TRIM5: variants seen among roughly 807,000 people sequenced by gnomAD.
The protein encoded by TRIM5 is tripartite motif containing 5.
In TRIM5, 31 loss-of-function variants were observed where a neutral mutation model predicts 35.6. The observed-to-expected ratio is 0.87, with a 90% CI of 0.65 to 1.18. The LOEUF is 1.18. Among genes scored for constraint, TRIM5 ranks in the 50% most tolerant of loss-of-function variants. The pLI, the probability that TRIM5 is intolerant of heterozygous loss-of-function variation, is 0.00. For synonymous variants in TRIM5, 243 were observed against 215.6 expected (o/e 1.13, Z -1.11); for missense variants, 609 against 591.6 (o/e 1.03, Z -0.31).
chr11:5,609,543 A>G, the TRIM5 span, among the ~76,000 whole-genome samples: 9 of 152,134 alleles, frequency 5.9e-5, no homozygotes, highest in Non-Finnish European at 2.9e-5. Flanking sequence ...ATTTTACTGA[A>G]CTGCATAACA....
At chr11:5,627,615 C>A in the TRIM5 span, among the ~76,000 whole-genome samples, 1 of 152,168 alleles carries the variant, frequency 6.6e-6, no homozygotes, top group Non-Finnish European at 1.5e-5. Context: ...GACCAGAACA[C>A]TACAGCTCTT....
At chr11:5,603,762 CAG>C in the TRIM5 span, 1 of 1,607,858 alleles carries the variant, frequency 6.2e-7, no homozygotes, top group Admixed American at 1.7e-5. Context: ...GAATGGGAGA[CAG>C]AGAAACAGGG....
chr11:5,679,702 GA>G (rs1161114035), intron 2 of TRIM5, 58 bp downstream of exon 2: 114 of 1,506,088 alleles, frequency 7.6e-5, no homozygotes, highest in Non-Finnish European at 2.4e-5. Flanking sequence ...AAGGCAAAGT[GA>G]AAATTTTCCA....
At chr11:5,667,751 G>C in intron 4 of TRIM5, 40 bp from the exon 5 acceptor site, 1 of 1,607,508 alleles carries the variant, frequency 6.2e-7, no homozygotes, top group Non-Finnish European at 8.5e-7. Context: ...GAAAGAAAGA[G>C]TCTCTCCTCA....
the TRIM5 span, among the ~76,000 whole-genome samples, chr11:5,637,714 A>T: frequency 6.6e-6 from 1 of 152,120 alleles, no homozygotes; most frequent in Admixed American, 6.5e-5. Flanking sequence ...CCAAACTGAA[A>T]CTGTACCCAT....
the TRIM5 span, chr11:5,643,641 C>T: frequency 1.7e-5 from 28 of 1,613,954 alleles, 1 homozygote; most frequent in East Asian, 6.2e-4. Flanking sequence ...CTTTTCTCAG[C>T]CTGTTTATCC....
At chr11:5,657,397 C>T in the TRIM5 span, among the ~76,000 whole-genome samples, 4 of 149,420 alleles carry the variant, frequency 2.7e-5, no homozygotes, top group South Asian at 2.1e-4. Flanking sequence ...CACCATGGTA[C>T]GTGTATACCT....
chr11:5,610,549 C>T, the TRIM5 span: 9 of 1,613,464 alleles, frequency 5.6e-6, no homozygotes, highest in Non-Finnish European at 7.6e-6. Context: ...GACAGATGTC[C>T]AAAGCTACTG....
At chr11:5,613,162 C>CA in the TRIM5 span, among the ~76,000 whole-genome samples, 1 of 152,226 alleles carries the variant, frequency 6.6e-6, no homozygotes, top group Admixed American at 6.5e-5. Flanking sequence ...TGCACCTTCC[C>CA]AGCTGCCCTG....
chr11:5,634,512 CACACACACACACACACACAT>C, the TRIM5 span: 1 of 519,860 alleles, frequency 1.9e-6, no homozygotes, highest in Non-Finnish European at 3.0e-6. Context: ...CACACACACA[CACACACACACACACACACAT>C]ATATATATAT....
chr11:5,588,909 A>C, the TRIM5 span: 1 of 151,352 alleles, frequency 6.6e-6, no homozygotes. Context: ...TCAGCCTCCT[A>C]TGTAGCTGGG....
At chr11:5,649,335 G>A in the TRIM5 span, among the ~76,000 whole-genome samples, 1 of 152,156 alleles carries the variant, frequency 6.6e-6, no homozygotes, top group Admixed American at 6.6e-5. Flanking sequence ...TCTACCTGAT[G>A]GAGTGACCCA....
the TRIM5 span, chr11:5,608,513 A>G: frequency 1.4e-6 from 2 of 1,467,740 alleles, no homozygotes; most frequent in South Asian, 1.3e-5. Context: ...GTAGTCTTGA[A>G]TCGCGCATCA....
At chr11:5,672,084 T>C (rs1401212118) in intron 4 of TRIM5, among the ~76,000 whole-genome samples, 1 of 152,192 alleles carries the variant, frequency 6.6e-6, no homozygotes. Context: ...TTGAAAGCAC[T>C]AAAAGAAACT....
chr11:5,617,646 G>A, the TRIM5 span, among the ~76,000 whole-genome samples: 5 of 142,486 alleles, frequency 3.5e-5, 2 homozygotes, highest in African/African-American at 5.1e-5. Context: ...CAACCACCAC[G>A]CCTGTCTAAT....
the TRIM5 span, chr11:5,603,479 G>A: frequency 6.2e-7 from 1 of 1,614,110 alleles, no homozygotes; most frequent in South Asian, 1.1e-5. Flanking sequence ...GAAAGAAGCT[G>A]CCCTGTGTGC....
the TRIM5 span, among the ~76,000 whole-genome samples, chr11:5,638,799 TCA>T: frequency 1.3e-5 from 2 of 152,344 alleles, no homozygotes; most frequent in South Asian, 2.1e-4. Flanking sequence ...CTGCTTTTTT[TCA>T]CAGTCCAATG....
the TRIM5 span, among the ~76,000 whole-genome samples, chr11:5,592,468 T>G: frequency 6.6e-6 from 1 of 152,170 alleles, no homozygotes; most frequent in African/African-American, 2.4e-5. Context: ...TGAGCTAGGA[T>G]CTGAATCTTG....
the TRIM5 span, among the ~76,000 whole-genome samples, chr11:5,657,477 T>C: frequency 1.5e-5 from 2 of 136,186 alleles, no homozygotes; most frequent in South Asian, 4.7e-4. Flanking sequence ...AAAATATTTA[T>C]ATATAATGCA....
Sources: gnomAD v4.1 joint callset for allele counts (sites outside exome capture counted in the v4.1 genomes callset) on GRCh38, gnomAD v4.1.1 for gene constraint, MANE v1.5 for transcripts, NCBI Gene and HGNC (gene_info 2026-07-23, HGNC 2026-07-21) for gene names.